The following C3orf49 variants were observed in gnomAD, a reference collection of about 807,000 sequenced individuals.
C3orf49 encodes putative uncharacterized protein C3orf49.
In C3orf49, 27 loss-of-function variants were observed where a neutral mutation model predicts 13.3. That is an observed-to-expected ratio of 2.02 (90% CI 1.49 to 2.79). C3orf49 has a LOEUF of 2.79. Among genes scored for constraint, C3orf49 ranks in the 30% most tolerant of loss-of-function variants. C3orf49 has a pLI of 0.00. For synonymous variants in C3orf49, 87 were observed against 47.6 expected, an observed-to-expected ratio of 1.83 and a Z score of -3.40; for missense variants, 242 against 134.2, an observed-to-expected ratio of 1.80 and a Z score of -3.97.
At chr3:63,843,882 C>T (rs1197371486) in intron 5 of C3orf49, among the ~76,000 whole-genome samples, 1 of 150,906 alleles carries the variant, frequency 6.6e-6, no homozygotes, top group Admixed American at 6.6e-5. Flanking sequence ...GCCTGGGCGA[C>T]AGAGTGAGAC....
the C3orf49 span, among the ~76,000 whole-genome samples, chr3:63,790,830 G>A: frequency 6.6e-6 from 1 of 152,098 alleles, no homozygotes; most frequent in East Asian, 1.9e-4. Flanking sequence ...AATTTGTGTG[G>A]AATTTATTTA....
intron 5 of C3orf49, 79 bp downstream of exon 5, chr3:63,831,923 G>T: frequency 1.6e-6 from 1 of 635,670 alleles, no homozygotes; most frequent in South Asian, 1.8e-5. Context: ...GGCTGGCCGT[G>T]GTGGCTCACG....
the C3orf49 span, among the ~76,000 whole-genome samples, chr3:63,808,016 G>A: frequency 1.3e-5 from 2 of 152,090 alleles, no homozygotes; most frequent in African/African-American, 4.8e-5. Flanking sequence ...GCTCTGGGGA[G>A]GAAGGAGGAG....
chr3:63,797,326 T>A, the C3orf49 span, among the ~76,000 whole-genome samples: 1 of 152,096 alleles, frequency 6.6e-6, no homozygotes, highest in South Asian at 2.1e-4. Flanking sequence ...GAGTCCCAGA[T>A]AATATAAGGC....
At chr3:63,788,669 C>T in the C3orf49 span, among the ~76,000 whole-genome samples, 1 of 149,840 alleles carries the variant, frequency 6.7e-6, no homozygotes, top group Non-Finnish European at 1.5e-5. Context: ...CTTTCTTTAA[C>T]CTCATTTAAT....
chr3:63,824,589 A>G (rs376908444), intron 2 of C3orf49, among the ~76,000 whole-genome samples: 3 of 152,228 alleles, frequency 2.0e-5, no homozygotes, highest in African/African-American at 7.2e-5. Context: ...ATGTAATCCC[A>G]GCTCTTTGGA....
chr3:63,835,506 G>C, intron 5 of C3orf49: 1 of 807,860 alleles, frequency 1.2e-6, no homozygotes, highest in Non-Finnish European at 1.9e-6. Context: ...GGCTTATAAG[G>C]AGTTATAACA....
At chr3:63,836,165 T>C (rs974449721) in intron 5 of C3orf49, 6 of 726,332 alleles carry the variant, frequency 8.3e-6, no homozygotes, top group African/African-American at 5.4e-5. Flanking sequence ...CAGAGAAGTA[T>C]GGGAAAATAT....
the C3orf49 span, among the ~76,000 whole-genome samples, chr3:63,787,766 G>T: frequency 6.6e-5 from 10 of 152,090 alleles, no homozygotes; most frequent in Admixed American, 3.9e-4. Flanking sequence ...CATTGTATCT[G>T]TAATGATGCC....
At chr3:63,791,402 T>C in the C3orf49 span, among the ~76,000 whole-genome samples, 14 of 152,308 alleles carry the variant, frequency 9.2e-5, no homozygotes, top group Admixed American at 7.8e-4. Flanking sequence ...TTTCATTTCA[T>C]CTCTGAATTG....
chr3:63,802,957 TCTG>T, the C3orf49 span, among the ~76,000 whole-genome samples: 2 of 152,084 alleles, frequency 1.3e-5, no homozygotes, highest in African/African-American at 4.8e-5. Context: ...TTGCCATCAT[TCTG>T]CTGCTATTTA....
intron 5 of C3orf49, among the ~76,000 whole-genome samples, chr3:63,837,155 C>T (rs1701652167): frequency 6.6e-6 from 1 of 151,800 alleles, no homozygotes; most frequent in African/African-American, 2.4e-5. Flanking sequence ...AAGTATGATT[C>T]TTTTGGATAC....
chr3:63,810,388 G>A, the C3orf49 span, among the ~76,000 whole-genome samples: 2 of 152,122 alleles, frequency 1.3e-5, no homozygotes, highest in Non-Finnish European at 2.9e-5. Flanking sequence ...TGTATGCTCA[G>A]TACTAAGAAC....
chr3:63,788,619 G>T, the C3orf49 span, among the ~76,000 whole-genome samples: 66 of 152,062 alleles, frequency 4.3e-4, no homozygotes, highest in African/African-American at 1.6e-3. Flanking sequence ...CCAACAGAGA[G>T]GGGTAAACCA....
chr3:63,793,783 A>G, the C3orf49 span, among the ~76,000 whole-genome samples: 2 of 152,178 alleles, frequency 1.3e-5, no homozygotes, highest in Non-Finnish European at 2.9e-5. Context: ...CAGCTCCATG[A>G]GAGCAGAGAT....
intron 5 of C3orf49, among the ~76,000 whole-genome samples, chr3:63,842,284 G>C (rs1046444694): frequency 6.6e-6 from 1 of 152,170 alleles, no homozygotes; most frequent in Admixed American, 6.6e-5. Context: ...CCCACTGAGA[G>C]AGGCTATTAT....
At chr3:63,814,933 C>A (rs1701307191), upstream of C3orf49, among the ~76,000 whole-genome samples, 2 of 152,146 alleles carry the variant, frequency 1.3e-5, no homozygotes, top group South Asian at 4.1e-4. Context: ...AGCATGGCAC[C>A]AGCATCTGTT....
At chr3:63,784,488 T>C in the C3orf49 span, among the ~76,000 whole-genome samples, 4 of 152,098 alleles carry the variant, frequency 2.6e-5, no homozygotes. Context: ...ATAAAGATTT[T>C]GGCAATTTCT....
chr3:63,818,824 A>G (rs925744799), upstream of C3orf49, among the ~76,000 whole-genome samples: 1 of 152,190 alleles, frequency 6.6e-6, no homozygotes, highest in Non-Finnish European at 1.5e-5. Flanking sequence ...TCAGGTCCTC[A>G]ATTTAGCAAT....
Sources: gnomAD v4.1 joint callset for allele counts (sites outside exome capture counted in the v4.1 genomes callset) on GRCh38, gnomAD v4.1.1 for gene constraint, MANE v1.5 for transcripts, NCBI Gene and HGNC (gene_info 2026-07-23, HGNC 2026-07-21) for gene names.